Variants in CDCA7L observed in about 807,000 individuals in gnomAD.
CDCA7L encodes cell division cycle associated 7 like.
Under a neutral mutation model 57.4 loss-of-function variants are expected in CDCA7L, and 44 were observed. The observed-to-expected ratio is 0.77, with a 90% CI of 0.60 to 0.98. CDCA7L has a LOEUF of 0.98. CDCA7L is among the 50% of genes least tolerant of loss of function. CDCA7L has a pLI of 0.00. For missense variants in CDCA7L, 644 were observed against 580.6 expected (o/e 1.11, Z -1.12); for synonymous variants, 236 against 202.8 (o/e 1.16, Z -1.39).
chr7:21,940,784 C>T (rs1015184008), intron 1 of CDCA7L, among the ~76,000 whole-genome samples: 4 of 152,236 alleles, frequency 2.6e-5, no homozygotes, highest in East Asian at 1.9e-4. Flanking sequence ...GCCACAAATT[C>T]CCCATAGCCC....
intron 1 of CDCA7L, among the ~76,000 whole-genome samples, chr7:21,920,543 C>T (rs1785619136): frequency 6.6e-6 from 1 of 152,178 alleles, no homozygotes; most frequent in South Asian, 2.1e-4. Flanking sequence ...CAAACACTTT[C>T]CCACCATCTA....
chr7:21,913,097 C>T (rs1170301797), intron 2 of CDCA7L, among the ~76,000 whole-genome samples: 3 of 152,110 alleles, frequency 2.0e-5, no homozygotes, highest in East Asian at 3.9e-4. Context: ...TCTGTATCTA[C>T]CCCACTGCGT....
In CDCA7L at chr7:21,925,813, G is replaced by A. The variant is rs1785807068; in HGVS notation, c.25-8919C>T. 2.0e-5 allele frequency among the ~76,000 whole-genome samples: 3 copies of A among 152,168 alleles called. No homozygotes were observed. The South Asian group carries it at 6.2e-4, about 31-fold the overall frequency. ...GAGGAGGGAGGATTGATTGAGCCCA[G>A]GAGTTCAAGGCTGCTATTAGCTATG... On this transcript the variant is annotated intron_variant, in intron 1 of 9. Transcript: ENST00000406877.
chr7:21,903,145 T>C (rs748938209), intron 8 of CDCA7L, 31 bp from the exon 9 acceptor site: 1 of 1,604,430 alleles, frequency 6.2e-7, no homozygotes, highest in South Asian at 1.1e-5. Flanking sequence ...GACACTTCGC[T>C]CATTATCTAC....
Position 21,902,313 on chromosome 7 carries a change from GTTTTCCTCTTAA to G in CDCA7L, c.1362_*8del, listed in dbSNP as rs1784932001. On this transcript the variant is annotated stop_lost and 3_prime_UTR_variant, in exon 10 of 10. Transcript: ENST00000406877. ...TATGGTGAGGTGGCTGGTTCTGTTT[GTTTTCCTCTTAA>G]TTGTCTTCTACCAGCTCCTTTTGTA... is the stretch of plus-strand genomic sequence containing the variant. 6.2e-7 allele frequency: 1 copy of G among 1,613,746 alleles called. No individual in the cohort carries two copies. The highest frequency in any genetic ancestry group is 8.5e-7 in the Non-Finnish European group (1 of 1,179,800).
intron 1 of CDCA7L, among the ~76,000 whole-genome samples, chr7:21,927,374 T>C (rs147608615): frequency 1.7e-3 from 253 of 152,060 alleles, no homozygotes; most frequent in African/African-American, 5.5e-3. Flanking sequence ...AATGACCAAG[T>C]TGAAAATTTC....
chr7:21,940,363 A>G (rs978241713), intron 1 of CDCA7L: 20 of 906,932 alleles, frequency 2.2e-5, no homozygotes, highest in Non-Finnish European at 2.2e-5. Flanking sequence ...AGAGTATATT[A>G]CTAACAATAC....
At position 21,901,334 on chromosome 7, in the gene CDCA7L, A is replaced by G. The variant is rs562191679; in HGVS notation, c.*988T>C. On this transcript the variant is annotated 3_prime_UTR_variant, in exon 10 of 10. Coordinates refer to ENST00000406877, the MANE Select transcript of CDCA7L (RefSeq NM_018719.5). Reference sequence around the variant, plus strand: ...ATGTTGCTGCACTGTTCCCATGCACATTATTCTAACTTTTTAGTAACTCAC... The same window carrying G: ...ATGTTGCTGCACTGTTCCCATGCACGTTATTCTAACTTTTTAGTAACTCAC... The G allele has an allele frequency of 2.5e-5, 35 of 1,414,400 alleles. No individual in the cohort carries two copies. Among genetic ancestry groups the G allele is most frequent in the Non-Finnish European group, 3.2e-5 (34 of 1,073,800 alleles). The allele number at this position is 1,414,400 out of a possible 1,614,324, so 87.6% of individuals were successfully genotyped here.
intron 6 of CDCA7L, 191 bp from the exon 7 acceptor site, chr7:21,905,822 T>C (rs532986682): frequency 1.5e-5 from 9 of 604,176 alleles, no homozygotes; most frequent in Non-Finnish European, 2.1e-5. Flanking sequence ...AGCAAGGCGA[T>C]ACAATCATAA....
chr7:21,933,455 GAAT>G (rs1439358151), intron 1 of CDCA7L, among the ~76,000 whole-genome samples: 1 of 152,166 alleles, frequency 6.6e-6, no homozygotes, highest in East Asian at 1.9e-4. Context: ...ATACACCATG[GAAT>G]ACTATGCAGC....
intron 1 of CDCA7L, among the ~76,000 whole-genome samples, chr7:21,917,508 T>C (rs757789495): frequency 6.6e-6 from 1 of 152,230 alleles, no homozygotes; most frequent in Non-Finnish European, 1.5e-5. Context: ...AATATGTATC[T>C]GCTGGAGTTC....
intron 1 of CDCA7L, among the ~76,000 whole-genome samples, chr7:21,940,863 C>G (rs1395984672): frequency 6.6e-6 from 1 of 152,204 alleles, no homozygotes; most frequent in Non-Finnish European, 1.5e-5. Flanking sequence ...TCTAGGCAGA[C>G]CGGATGTAAA....
chr7:21,902,429 A>ATCATCTAAG (rs1476802230), intron 9 of CDCA7L, 77 bp from the exon 10 acceptor site: 2 of 1,384,310 alleles, frequency 1.4e-6, no homozygotes, highest in Admixed American at 3.4e-5. Context: ...AGATTCCACA[A>ATCATCTAAG]TCATCTAAGA....
chr7:21,905,834 G>A (rs1785120325), intron 6 of CDCA7L: 1 of 566,388 alleles, frequency 1.8e-6, no homozygotes, highest in Non-Finnish European at 2.9e-6. Context: ...CAATCATAAA[G>A]GAGGAACTCA....
rs1041456797 is a variant in CDCA7L at position 21,945,850 on chromosome 7, A to C, written c.-46T>G. 1 of 1,576,264 alleles carries C rather than the reference A, an allele frequency of 6.3e-7. No individual in the cohort carries two copies. The highest frequency in any genetic ancestry group is 1.4e-5 in the African/African-American group (1 of 71,304). On this transcript the variant is annotated 5_prime_UTR_variant, in exon 1 of 10. Transcript: ENST00000406877. ...TCTCCTCCCAGCACGCGGCCACGGG[A>C]GCCCGGACTCACCACGGCCCGGCGC...
rs78401566 is a variant in CDCA7L at position 21,938,853 on chromosome 7, A to G, written c.24+6928T>C. On this transcript the variant is annotated intron_variant, in intron 1 of 9. Transcript: ENST00000406877. ...CTCCATCTCTACCAGAAATTTTAAAAAGAAAAATTAGCCAAGCAGGGTAGT... is the reference window on the plus strand; with the variant it reads ...CTCCATCTCTACCAGAAATTTTAAAGAGAAAAATTAGCCAAGCAGGGTAGT... Among the ~76,000 whole-genome samples the G allele has an allele frequency of 3.3e-3, 507 of 152,120 alleles. 24 individuals carry two copies. The East Asian group carries it at 0.085, about 25-fold the overall frequency.
At chr7:21,939,095 A>C (rs138698659) in intron 1 of CDCA7L, among the ~76,000 whole-genome samples, 124 of 152,354 alleles carry the variant, frequency 8.1e-4, no homozygotes, top group African/African-American at 2.5e-3. Flanking sequence ...TGAGCCAGTG[A>C]CAAAAGGACA....
Position 21,908,489 on chromosome 7 carries a change from T to A in CDCA7L, c.322A>T (p.Ser108Cys). 2.0e-6 allele frequency: 3 copies of A among 1,535,230 alleles called. No homozygotes were observed. The highest frequency in any genetic ancestry group is 2.6e-6 in the Non-Finnish European group (3 of 1,147,492). Residue 108 changes from serine (S) to cysteine (C), a missense_variant, in exon 4 of 10, where the codon AGT (serine) becomes TGT (cysteine). Physicochemically the swap from Ser to Cys is moderately radical, Grantham distance 112. Transcript: ENST00000406877. Reference protein sequence around the residue: ...PEVMVVESDLSDDGKASLVSE... With the variant: ...PEVMVVESDLCDDGKASLVSE... The stretch of plus-strand genomic sequence containing the variant: ...ACCAAAGATGCTTTGCCATCATCAC[T>A]CAAATCTGACTCCACGACCTAATAA...
intron 2 of CDCA7L, among the ~76,000 whole-genome samples, chr7:21,916,094 A>C (rs1785473013): frequency 6.6e-6 from 1 of 152,172 alleles, no homozygotes; most frequent in Non-Finnish European, 1.5e-5. Flanking sequence ...AGTGGAAGCA[A>C]AGTGGGTTTA....
Sources: allele counts gnomAD v4.1 joint callset (sites outside exome capture counted in the v4.1 genomes callset), GRCh38; gene constraint gnomAD v4.1.1; transcripts MANE v1.5; gene names NCBI Gene and HGNC (gene_info 2026-07-23, HGNC 2026-07-21).